CLASP2: variants seen among roughly 807,000 people sequenced by gnomAD.
CLASP2 encodes the protein cytoplasmic linker associated protein 2, also known as CLIP-associating protein 2.
In CLASP2, 47 loss-of-function variants were observed where a neutral mutation model predicts 194.4. The observed-to-expected ratio is 0.24, with a 90% CI of 0.19 to 0.31. The LOEUF (loss-of-function observed/expected upper bound fraction) is 0.31. CLASP2 is among the 10% of genes least tolerant of loss of function. CLASP2 has a pLI of 1.00. For missense variants in CLASP2, 1,445 were observed against 1,823.6 expected, an observed-to-expected ratio of 0.79 and a Z score of 3.78; for synonymous variants, 619 against 633.5, an observed-to-expected ratio of 0.98 and a Z score of 0.34.
At chr3:33,552,431 T>G (rs1365068676) in intron 29 of CLASP2, among the ~76,000 whole-genome samples, 1 of 152,176 alleles carries the variant, frequency 6.6e-6, no homozygotes, top group Non-Finnish European at 1.5e-5. Context: ...CTCCCAGTAA[T>G]TCTTGATGTG....
At chr3:33,672,038 C>T (rs1373551150) in intron 6 of CLASP2, among the ~76,000 whole-genome samples, 1 of 152,198 alleles carries the variant, frequency 6.6e-6, no homozygotes, top group East Asian at 1.9e-4. Flanking sequence ...AAAAAGACAG[C>T]AGTAACCTCT....
intron 34 of CLASP2, among the ~76,000 whole-genome samples, chr3:33,528,510 C>A (rs911361862): frequency 6.6e-6 from 1 of 152,068 alleles, no homozygotes; most frequent in Non-Finnish European, 1.5e-5. Flanking sequence ...ATCTGTAATC[C>A]CAGCATTTTG....
Position 33,607,475 on chromosome 3 carries a change from T to G in CLASP2, c.1449-14A>C, listed in dbSNP as rs749644568. 6.3e-7 allele frequency: 1 copy of G among 1,576,142 alleles called. No homozygotes were observed. The highest frequency in any genetic ancestry group is 2.3e-5 in the East Asian group (1 of 44,340). On this transcript the variant is annotated splice_polypyrimidine_tract_variant and intron_variant, in intron 14 of 38. Transcript: ENST00000682230. Reference sequence around the variant, plus strand: ...ACGGCTGCATGTCTATAAAATAAAATACATCTTTAGAGTTATGATATAGCT... The same window carrying G: ...ACGGCTGCATGTCTATAAAATAAAAGACATCTTTAGAGTTATGATATAGCT...
At chr3:33,590,764 G>A (rs2154234390) in intron 21 of CLASP2, among the ~76,000 whole-genome samples, 1 of 152,226 alleles carries the variant, frequency 6.6e-6, no homozygotes, top group Admixed American at 6.5e-5. Flanking sequence ...GCCCCTCAAT[G>A]CCCCATTCTC....
At chr3:33,670,932 CAA>C (rs963879786) in intron 6 of CLASP2, among the ~76,000 whole-genome samples, 2 of 152,156 alleles carry the variant, frequency 1.3e-5, no homozygotes, top group Non-Finnish European at 2.9e-5. Context: ...TTCTCCTTAA[CAA>C]TGTCTGACCT....
chr3:33,608,488 G>A, intron 14 of CLASP2, 79 bp downstream of exon 14: 1 of 1,138,006 alleles, frequency 8.8e-7, no homozygotes, highest in South Asian at 1.4e-5. Flanking sequence ...GAGAAATAAT[G>A]TAAAACCAAT....
intron 6 of CLASP2, among the ~76,000 whole-genome samples, chr3:33,672,615 C>G (rs573073994): frequency 2.6e-5 from 4 of 152,278 alleles, no homozygotes; most frequent in East Asian, 1.9e-4. Flanking sequence ...GACGAGTTGA[C>G]AGAAGAAGGC....
At chr3:33,501,795 CT>C (rs1345954063) in intron 37 of CLASP2, 27 bp from the exon 38 acceptor site, 2 of 1,467,602 alleles carry the variant, frequency 1.4e-6, no homozygotes, top group African/African-American at 2.8e-5. Flanking sequence ...ACTGTTAGTA[CT>C]CCAGAGAAGT....
intron 32 of CLASP2, among the ~76,000 whole-genome samples, 154 bp from the exon 33 acceptor site, chr3:33,539,096 A>T (rs1458834560): frequency 6.6e-6 from 1 of 152,214 alleles, no homozygotes; most frequent in Non-Finnish European, 1.5e-5. Flanking sequence ...GCTATATATC[A>T]TTAAAGTACA....
At chr3:33,551,486 A>AT (rs34937822) in intron 29 of CLASP2, 91 bp from the exon 30 acceptor site, 353,408 of 1,042,520 alleles carry the variant, frequency 0.34, 25,557 homozygotes, top group Admixed American at 0.46. Context: ...GATGATGATG[A>AT]TTTTTTTTTT....
intron 1 of CLASP2, among the ~76,000 whole-genome samples, chr3:33,706,098 A>G (rs1165358092): frequency 6.6e-6 from 1 of 152,042 alleles, no homozygotes; most frequent in Non-Finnish European, 1.5e-5. Flanking sequence ...ACAAGAAATA[A>G]AAAATTAGGC....
chr3:33,638,233 T>C (rs1305270490), intron 8 of CLASP2, among the ~76,000 whole-genome samples: 2 of 152,202 alleles, frequency 1.3e-5, no homozygotes, highest in Non-Finnish European at 2.9e-5. Flanking sequence ...AAGATGTTAT[T>C]AAAGTTTTTT....
At chr3:33,596,166 T>C (rs2070297968) in intron 19 of CLASP2, among the ~76,000 whole-genome samples, 1 of 152,042 alleles carries the variant, frequency 6.6e-6, no homozygotes, top group African/African-American at 2.4e-5. Flanking sequence ...ACCAAGCCAC[T>C]ACAGATAAAC....
intron 24 of CLASP2, among the ~76,000 whole-genome samples, chr3:33,574,871 T>C (rs1293451285): frequency 6.6e-6 from 1 of 152,164 alleles, no homozygotes; most frequent in Non-Finnish European, 1.5e-5. Context: ...GTGGAACTTC[T>C]GTGCTCTGCA....
intron 34 of CLASP2, among the ~76,000 whole-genome samples, chr3:33,526,413 T>C (rs2054575505): frequency 6.6e-6 from 1 of 152,130 alleles, no homozygotes; most frequent in Admixed American, 6.6e-5. Flanking sequence ...AAGGGTTCAA[T>C]TCAACAAGGA....
rs902222414 is a variant in CLASP2 at position 33,523,852 on chromosome 3, T to C, written c.3788-6678A>G. ...TCAGAGCTGGAAAAGCACAGAGTTT[T>C]TGTATGTTATTGAAATTAAACTGGC... On this transcript the variant is annotated intron_variant, in intron 34 of 38. Coordinates refer to ENST00000682230, the MANE Select transcript of CLASP2 (RefSeq NM_001365631.1). Among the ~76,000 whole-genome samples, 3 of 152,284 alleles carry C rather than the reference T, an allele frequency of 2.0e-5. No homozygotes were observed. In the East Asian group the frequency reaches 5.8e-4, roughly 29 times the overall value.
chr3:33,699,441 G>A, intron 1 of CLASP2, among the ~76,000 whole-genome samples: 1 of 151,198 alleles, frequency 6.6e-6, no homozygotes, highest in Non-Finnish European at 1.5e-5. Context: ...AAAACCAAAG[G>A]AAAGAAAAAT....
In CLASP2 at chr3:33,497,421, T is replaced by C. The variant is rs1458122249; in HGVS notation, c.*1210A>G. 6.6e-6 allele frequency: 1 copy of C among 152,570 alleles called. No individual in the cohort carries two copies. Among genetic ancestry groups the C allele is most frequent in the Non-Finnish European group, 1.5e-5 (1 of 68,028 alleles). The allele number at this position is 152,570 out of a possible 1,614,324, so 9.5% of individuals were successfully genotyped here. ...TGGTAATTTTTGAGTCGGCTGCACA[T>C]GAAAAGAATGGGTGTAGCAAGAGGT... On this transcript the variant is annotated 3_prime_UTR_variant, in exon 39 of 39. Coordinates refer to ENST00000682230, the MANE Select transcript of CLASP2 (RefSeq NM_001365631.1).
At chr3:33,551,134 T>G in intron 30 of CLASP2, 118 bp downstream of exon 30, 1 of 765,944 alleles carries the variant, frequency 1.3e-6, no homozygotes, top group Non-Finnish European at 1.9e-6. Context: ...TTTAAAAAGC[T>G]CTTCATAACT....
Sources: gnomAD v4.1 joint callset for allele counts (sites outside exome capture counted in the v4.1 genomes callset) on GRCh38, gnomAD v4.1.1 for gene constraint, MANE v1.5 for transcripts, NCBI Gene and HGNC (gene_info 2026-07-23, HGNC 2026-07-21) for gene names.